Variants in IL1RAPL1 observed in about 807,000 individuals in gnomAD.
IL1RAPL1 encodes the protein interleukin-1 receptor accessory protein-like 1.
In IL1RAPL1, 3 loss-of-function variants were observed where a neutral mutation model predicts 48.4. That is an observed-to-expected ratio of 0.06 (90% CI 0.03 to 0.16). The LOEUF is 0.16. Among genes scored for constraint, IL1RAPL1 ranks in the 10% least tolerant of loss-of-function variants. The pLI is 1.00. For synonymous variants in IL1RAPL1, 185 were observed against 187.7 expected (o/e 0.99, Z 0.12); for missense variants, 349 against 530.6 (o/e 0.66, Z 3.36).
intron 1 of IL1RAPL1, among the ~76,000 whole-genome samples, chrX:28,677,462 T>A (rs1935011194): frequency 8.9e-6 from 1 of 112,484 alleles, no homozygotes; most frequent in Non-Finnish European, 1.9e-5. Flanking sequence ...GTTTATTTGC[T>A]TAACCAATCT....
chrX:29,501,155 T>G (rs1008736809), intron 5 of IL1RAPL1, among the ~76,000 whole-genome samples: 7 of 112,142 alleles, frequency 6.2e-5, no homozygotes, highest in Non-Finnish European at 1.9e-5. Context: ...TTTGTTTTTT[T>G]GCGGTTGAAT....
In IL1RAPL1 at chrX:29,479,414, C is replaced by CAAAAAAAAAAAAAAAAAAAAAAAA. The variant is rs3069570; in HGVS notation, c.703+80123_703+80124insAAAAAAAAAAAAAAAAAAAAAAAA. Among the ~76,000 whole-genome samples, 111 of 42,447 alleles carry CAAAAAAAAAAAAAAAAAAAAAAAA rather than the reference C, an allele frequency of 2.6e-3. 9 individuals are homozygous for CAAAAAAAAAAAAAAAAAAAAAAAA. The highest frequency in any genetic ancestry group is 6.7e-3 in the African/African-American group (69 of 10,374). 36.9% of individuals were successfully genotyped at this position (42,447 alleles called of 115,157 possible). A position where few individuals can be genotyped will look rare whatever the true frequency, so the allele number is the denominator to read the frequency against. On this transcript the variant is annotated intron_variant, in intron 5 of 10. Coordinates refer to ENST00000378993, the MANE Select transcript of IL1RAPL1 (RefSeq NM_014271.4). Reference sequence around the variant, plus strand: ...TGGGTGACAGAGCGAGACCCTGTCTCAAAAAAAAAAAAAAAAATTAGCATT... The same window carrying CAAAAAAAAAAAAAAAAAAAAAAAA: ...TGGGTGACAGAGCGAGACCCTGTCTCAAAAAAAAAAAAAAAAAAAAAAAAAAAAAAAAAAAAAAAAATTAGCATT...
intron 5 of IL1RAPL1, among the ~76,000 whole-genome samples, chrX:29,623,148 G>A (rs1464050849): frequency 1.9e-5 from 2 of 107,758 alleles, no homozygotes; most frequent in Non-Finnish European, 3.8e-5. Flanking sequence ...CTGGCCTGGT[G>A]GCGGGCACCT....
At chrX:29,682,583 T>C (rs1926489302) in intron 6 of IL1RAPL1, among the ~76,000 whole-genome samples, 1 of 112,079 alleles carries the variant, frequency 8.9e-6, no homozygotes, top group Admixed American at 9.5e-5. Context: ...TTTTTGTACA[T>C]ATTTTTGTGT....
intron 2 of IL1RAPL1, among the ~76,000 whole-genome samples, chrX:29,258,305 G>A (rs1180778246): frequency 9.0e-6 from 1 of 111,456 alleles, no homozygotes; most frequent in African/African-American, 3.3e-5. Flanking sequence ...GAATAACAAT[G>A]TGAGCGATTA....
chrX:29,951,572 C>T (rs985135839), intron 9 of IL1RAPL1, among the ~76,000 whole-genome samples: 1 of 111,200 alleles, frequency 9.0e-6, no homozygotes, highest in African/African-American at 3.3e-5. Context: ...TAGGGCCTAA[C>T]CTAGAATGGA....
intron 2 of IL1RAPL1, among the ~76,000 whole-genome samples, chrX:29,008,733 A>G (rs1199927577): frequency 9.1e-6 from 1 of 110,360 alleles, no homozygotes; most frequent in African/African-American, 3.3e-5. Context: ...GGTATATTGT[A>G]TGATGCTGCA....
Position 28,647,286 on chromosome X carries a change from A to G in IL1RAPL1, c.-25+59239A>G, listed in dbSNP as rs369617449. Among the ~76,000 whole-genome samples, 7 of 111,981 alleles carry G rather than the reference A, an allele frequency of 6.3e-5. No individual in the cohort carries two copies. In the East Asian group the frequency reaches 2.0e-3, roughly 31 times the overall value. On this transcript the variant is annotated intron_variant, in intron 1 of 10. Coordinates refer to ENST00000378993, the MANE Select transcript of IL1RAPL1 (RefSeq NM_014271.4). ...TCTTCCAGAAACTTCAAACTGCAAA[A>G]TATATTCCAAATCTAATCACTTGTC...
intron 2 of IL1RAPL1, among the ~76,000 whole-genome samples, chrX:29,071,927 G>T (rs769209277): frequency 1.8e-5 from 2 of 111,790 alleles, no homozygotes; most frequent in South Asian, 7.4e-4. Flanking sequence ...AATTCTTAAA[G>T]AATTATTTCA....
intron 5 of IL1RAPL1, among the ~76,000 whole-genome samples, chrX:29,519,345 T>C (rs1263244820): frequency 9.0e-6 from 1 of 111,558 alleles, no homozygotes; most frequent in Non-Finnish European, 1.9e-5. Context: ...ATTTTATAAT[T>C]GGGGAAACAT....
chrX:29,539,347 A>G (rs1921354581), intron 5 of IL1RAPL1, among the ~76,000 whole-genome samples: 1 of 112,005 alleles, frequency 8.9e-6, no homozygotes, highest in Non-Finnish European at 1.9e-5. Flanking sequence ...AAAGCTTTCA[A>G]TAAAACCCAA....
At chrX:28,777,345 T>G (rs1228494534) in intron 1 of IL1RAPL1, among the ~76,000 whole-genome samples, 2 of 111,856 alleles carry the variant, frequency 1.8e-5, no homozygotes, top group African/African-American at 6.5e-5. Flanking sequence ...CTCAAAATTC[T>G]TCACTGAATC....
At chrX:28,710,994 G>A (rs1441745226) in intron 1 of IL1RAPL1, among the ~76,000 whole-genome samples, 4 of 111,989 alleles carry the variant, frequency 3.6e-5, no homozygotes, top group Non-Finnish European at 7.5e-5. Context: ...AGTTTGAGCA[G>A]AAGAGTGACT....
At chrX:29,820,763 CA>C (rs1242419295) in intron 6 of IL1RAPL1, among the ~76,000 whole-genome samples, 2 of 111,991 alleles carry the variant, frequency 1.8e-5, no homozygotes, top group South Asian at 7.5e-4. Context: ...AGTAATTTTT[CA>C]AGTAAGTATT....
intron 5 of IL1RAPL1, among the ~76,000 whole-genome samples, chrX:29,517,744 G>C (rs1935461496): frequency 9.0e-6 from 1 of 110,635 alleles, no homozygotes; most frequent in Non-Finnish European, 1.9e-5. Flanking sequence ...CTTTCTAAAA[G>C]CTCCTTCCAT....
In IL1RAPL1 at chrX:28,628,390, G is replaced by A. The variant is rs1055810925; in HGVS notation, c.-25+40343G>A. 7.1e-5 allele frequency among the ~76,000 whole-genome samples: 8 copies of A among 112,042 alleles called. No homozygotes were observed. In the Admixed American group the frequency reaches 7.6e-4, roughly 11 times the overall value. ...ACACAGGGAGGGGCAAAGAATTGTGGTGTTTTTGCCATCTGCCTCTTGCAC... is the reference window on the plus strand; with the variant it reads ...ACACAGGGAGGGGCAAAGAATTGTGATGTTTTTGCCATCTGCCTCTTGCAC... On this transcript the variant is annotated intron_variant, in intron 1 of 10. Coordinates refer to ENST00000378993, the MANE Select transcript of IL1RAPL1 (RefSeq NM_014271.4).
chrX:29,406,205 T>C lies in IL1RAPL1; in HGVS notation c.703+6897T>C, dbSNP rs781689728. Among the ~76,000 whole-genome samples, 1,073 of 111,146 alleles carry C rather than the reference T, an allele frequency of 9.7e-3. 7 individuals carry two copies. Among genetic ancestry groups the C allele is most frequent in the African/African-American group, 0.016 (504 of 30,555 alleles). On this transcript the variant is annotated intron_variant, in intron 5 of 10. Transcript: ENST00000378993. ...GAGATCAAGACCATCCTGGCTAACA[T>C]GGTGGAACCCTGTCTCTACTAAAAA...
At chrX:28,647,529 G>C (rs1934628023) in intron 1 of IL1RAPL1, among the ~76,000 whole-genome samples, 1 of 112,422 alleles carries the variant, frequency 8.9e-6, no homozygotes, top group African/African-American at 3.2e-5. Context: ...TAATTCTACA[G>C]AGTCTTAGTA....
At chrX:28,832,389 T>TA (rs1921084219) in intron 2 of IL1RAPL1, among the ~76,000 whole-genome samples, 1 of 111,775 alleles carries the variant, frequency 8.9e-6, no homozygotes, top group African/African-American at 3.2e-5. Context: ...TTTTTGTTTT[T>TA]ATTCTACTCA....
Sources: allele counts gnomAD v4.1 joint callset (sites outside exome capture counted in the v4.1 genomes callset), GRCh38; gene constraint gnomAD v4.1.1; transcripts MANE v1.5; gene names NCBI Gene and HGNC (gene_info 2026-07-23, HGNC 2026-07-21).